LRMDA: variants seen among roughly 807,000 people sequenced by gnomAD.
LRMDA encodes the protein leucine-rich melanocyte differentiation-associated protein.
LRMDA carries 18 observed loss-of-function variants against 29.8 expected under a neutral mutation model. The ratio of observed to expected loss-of-function variants is 0.60; its 90% CI spans 0.42 to 0.90. The LOEUF is 0.90. Ranked by LOEUF, LRMDA falls within the 40% of genes least tolerant of loss-of-function variation. The pLI, the probability that LRMDA is intolerant of heterozygous loss-of-function variation, is 0.00. For synonymous variants in LRMDA, 125 were observed against 109.4 expected, an observed-to-expected ratio of 1.14 and a Z score of -0.89; for missense variants, 273 against 273.9, an observed-to-expected ratio of 1.00 and a Z score of 0.02.
At chr10:75,827,639 T>C (rs1392745467) in intron 2 of LRMDA, among the ~76,000 whole-genome samples, 1 of 152,206 alleles carries the variant, frequency 6.6e-6, no homozygotes, top group Non-Finnish European at 1.5e-5. Context: ...TAAAGCAAAG[T>C]GCAAAAATCA....
rs745522570 is a variant in LRMDA, at chr10:76,047,201, A to C, written c.296A>C (p.Glu99Ala). The change falls in exon 4 of 7, where the codon GAA becomes GCA. Residue 99 changes from glutamate to alanine, a missense_variant. By Grantham distance (107) the Glu-to-Ala change is moderately radical. Coordinates refer to ENST00000611255, the MANE Select transcript of LRMDA (RefSeq NM_001305581.2). Reference sequence around the variant, plus strand: ...GAGAACCTGCTGGATCACTTGGCAGAAGTGACACCAGCTCTGGAGTACCTC... The same window carrying C: ...GAGAACCTGCTGGATCACTTGGCAGCAGTGACACCAGCTCTGGAGTACCTC... The part of the protein sequence containing the change: ...DLENLLDHLA[E>A]VTPALEYLSL... 1 of 1,614,072 alleles carries C rather than the reference A, an allele frequency of 6.2e-7. No individual in the cohort carries two copies. The highest frequency in any genetic ancestry group is 8.5e-7 in the Non-Finnish European group (1 of 1,179,966).
chr10:76,494,615 C>T (rs1907325), intron 6 of LRMDA, among the ~76,000 whole-genome samples: 110,617 of 151,380 alleles, frequency 0.73, 41,125 homozygotes, highest in Non-Finnish European at 0.81. Flanking sequence ...TATTATGGAT[C>T]TTTGTTCTTT....
In LRMDA at chr10:75,946,465, CA is replaced by C. The variant is rs1192142072; in HGVS notation, c.132-89541del. On this transcript the variant is annotated intron_variant, in intron 2 of 6. Coordinates refer to ENST00000611255, the MANE Select transcript of LRMDA (RefSeq NM_001305581.2). ...CATAAATGGCAGATTTAGGACCAGA[CA>C]AGGAATTGGTGCACCAGCCATAAAT... Among the ~76,000 whole-genome samples, 3 of 152,150 alleles carry C rather than the reference CA, an allele frequency of 2.0e-5. 1 individual carries two copies. Among genetic ancestry groups the C allele is most frequent in the African/African-American group, 7.2e-5 (3 of 41,436 alleles).
At chr10:76,406,537 G>A (rs1005885362) in intron 6 of LRMDA, among the ~76,000 whole-genome samples, 1 of 152,142 alleles carries the variant, frequency 6.6e-6, no homozygotes, top group African/African-American at 2.4e-5. Context: ...ATGGTCTTTT[G>A]GTGGCACAAA....
At chr10:75,469,015 T>C (rs1844693082) in intron 2 of LRMDA, among the ~76,000 whole-genome samples, 1 of 152,092 alleles carries the variant, frequency 6.6e-6, no homozygotes, top group East Asian at 1.9e-4. Context: ...ATAAATGCTT[T>C]CTGTAACTTT....
chr10:75,612,875 T>C (rs956416098), intron 2 of LRMDA, among the ~76,000 whole-genome samples: 1 of 151,972 alleles, frequency 6.6e-6, no homozygotes, highest in African/African-American at 2.4e-5. Flanking sequence ...GTATTAACTT[T>C]GGTGGGGAAA....
At chr10:76,166,369 T>A (rs1850740741) in intron 5 of LRMDA, among the ~76,000 whole-genome samples, 1 of 152,190 alleles carries the variant, frequency 6.6e-6, no homozygotes, top group African/African-American at 2.4e-5. Context: ...GTTATATAGG[T>A]AAACTTCTGT....
chr10:75,970,170 G>A (rs1846940886), intron 2 of LRMDA, among the ~76,000 whole-genome samples: 1 of 152,148 alleles, frequency 6.6e-6, no homozygotes, highest in East Asian at 1.9e-4. Context: ...TCACCTTTAG[G>A]GGTAGTGTGA....
chr10:76,317,099 CAG>C (rs1210736761), intron 5 of LRMDA, among the ~76,000 whole-genome samples: 1 of 152,160 alleles, frequency 6.6e-6, no homozygotes, highest in African/African-American at 2.4e-5. Flanking sequence ...GGCTCCAATG[CAG>C]AGAGAGTGTG....
intron 2 of LRMDA, among the ~76,000 whole-genome samples, chr10:75,755,907 G>A (rs1397769913): frequency 1.3e-5 from 2 of 152,222 alleles, no homozygotes; most frequent in Admixed American, 1.3e-4. Context: ...GCTTTGGAGG[G>A]TTTTAAGTGG....
chr10:75,545,634 A>T (rs1275340703), intron 2 of LRMDA, among the ~76,000 whole-genome samples: 2 of 152,104 alleles, frequency 1.3e-5, no homozygotes, highest in East Asian at 3.9e-4. Flanking sequence ...TCTTACTAAC[A>T]TTTTGCCAAT....
At chr10:76,544,309 C>G (rs548067238) in intron 6 of LRMDA, among the ~76,000 whole-genome samples, 11 of 152,270 alleles carry the variant, frequency 7.2e-5, no homozygotes, top group African/African-American at 2.6e-4. Context: ...AGCATGTTAA[C>G]TTACCACAGG....
intron 6 of LRMDA, among the ~76,000 whole-genome samples, chr10:76,450,703 A>T (rs936128915): frequency 6.6e-6 from 1 of 152,094 alleles, no homozygotes; most frequent in African/African-American, 2.4e-5. Context: ...ACTTCTGTTT[A>T]TATTGCCTCA....
chr10:76,460,519 G>T (rs1310308398), intron 6 of LRMDA, among the ~76,000 whole-genome samples: 1 of 152,230 alleles, frequency 6.6e-6, no homozygotes, highest in South Asian at 2.1e-4. Context: ...GGAGACAGAT[G>T]ATCACATATC....
At chr10:76,093,892 T>TATATAACTCAA (rs936025149) in intron 5 of LRMDA, among the ~76,000 whole-genome samples, 2 of 152,204 alleles carry the variant, frequency 1.3e-5, no homozygotes, top group Non-Finnish European at 2.9e-5. Flanking sequence ...ATAACAGTGG[T>TATATAACTCAA]GTTGATAGCT....
In LRMDA at chr10:75,434,880, C is replaced by T. The variant is rs1366067064; in HGVS notation, c.30+3126C>T. Among the ~76,000 whole-genome samples, 11 of 152,374 alleles carry T rather than the reference C, an allele frequency of 7.2e-5. No homozygotes were observed. In the East Asian group the frequency reaches 1.7e-3, roughly 24 times the overall value. The stretch of plus-strand genomic sequence containing the variant: ...AGAAATGCCCTGGGAGCCAGAGAGT[C>T]CCAACGCAAAGTGAAACCTGCAGTC... On this transcript the variant is annotated intron_variant, in intron 1 of 6. Coordinates refer to ENST00000611255, the MANE Select transcript of LRMDA (RefSeq NM_001305581.2).
rs371638331 is a variant in LRMDA at position 76,059,887 on chromosome 10, A to G, written c.516+1104A>G. 2.6e-4 allele frequency among the ~76,000 whole-genome samples: 39 copies of G among 152,326 alleles called. No homozygotes were observed. The East Asian group carries it at 5.2e-3, about 20-fold the overall frequency. On this transcript the variant is annotated intron_variant, in intron 5 of 6. Coordinates refer to ENST00000611255, the MANE Select transcript of LRMDA (RefSeq NM_001305581.2). The stretch of plus-strand genomic sequence containing the variant: ...TGTGGAAATATGTGATATGGAGGGT[A>G]TATTACTGGCAGATAAATGTATTGT...
intron 2 of LRMDA, among the ~76,000 whole-genome samples, chr10:75,690,802 T>TA (rs1230368952): frequency 2.0e-5 from 3 of 150,742 alleles, no homozygotes; most frequent in Non-Finnish European, 3.0e-5. Context: ...TCTCTCTCTC[T>TA]AAAAAATAAA....
At chr10:75,552,166 C>G (rs961006597) in intron 2 of LRMDA, among the ~76,000 whole-genome samples, 15 of 152,148 alleles carry the variant, frequency 9.9e-5, no homozygotes, top group African/African-American at 3.6e-4. Context: ...CCTTCTAGTA[C>G]CAGACTCCTG....
Sources: allele counts gnomAD v4.1 joint callset (sites outside exome capture counted in the v4.1 genomes callset), GRCh38; gene constraint gnomAD v4.1.1; transcripts MANE v1.5; gene names NCBI Gene and HGNC (gene_info 2026-07-23, HGNC 2026-07-21).